IFNLR1: variants seen among roughly 807,000 people sequenced by gnomAD.
The protein encoded by IFNLR1 is CRF2-12.
In IFNLR1, 28 loss-of-function variants were observed where a neutral mutation model predicts 52.5. The observed-to-expected ratio is 0.53, with a 90% CI of 0.40 to 0.73. IFNLR1 has a LOEUF of 0.73. Ranked by LOEUF, IFNLR1 falls within the 30% of genes least tolerant of loss-of-function variation. The pLI, the probability that IFNLR1 is intolerant of heterozygous loss-of-function variation, is 0.00. For missense variants in IFNLR1, 623 were observed against 659.1 expected, an observed-to-expected ratio of 0.95 and a Z score of 0.60; for synonymous variants, 276 against 274.9, an observed-to-expected ratio of 1.00 and a Z score of -0.04.
At chr1:24,182,450 A>G (rs1292060835) in intron 1 of IFNLR1, among the ~76,000 whole-genome samples, 4 of 152,170 alleles carry the variant, frequency 2.6e-5, no homozygotes, top group Non-Finnish European at 5.9e-5. Flanking sequence ...TTGTATTCAC[A>G]TTTCAGATTT....
At chr1:24,167,717 C>A (rs1023483808) in intron 3 of IFNLR1, among the ~76,000 whole-genome samples, 1 of 150,156 alleles carries the variant, frequency 6.7e-6, no homozygotes, top group Non-Finnish European at 1.5e-5. Context: ...TATTTTGAGA[C>A]GGAGTCTTGC....
At chr1:24,175,297 C>T (rs1479089083) in intron 2 of IFNLR1, among the ~76,000 whole-genome samples, 1 of 152,192 alleles carries the variant, frequency 6.6e-6, no homozygotes, top group African/African-American at 2.4e-5. Flanking sequence ...CCACCCAGGG[C>T]AAAGGGGATA....
intron 1 of IFNLR1, 138 bp from the exon 2 acceptor site, chr1:24,180,992 C>G: frequency 1.2e-6 from 1 of 850,518 alleles, no homozygotes; most frequent in Non-Finnish European, 1.8e-6. Context: ...ACTGGCTGTA[C>G]TGCAGCCCTT....
chr1:24,157,205 C>A lies in IFNLR1; in HGVS notation c.1488G>T (p.Ala496=), dbSNP rs374980858. 2 of 1,614,164 alleles carry A rather than the reference C, an allele frequency of 1.2e-6. No individual in the cohort carries two copies. Among genetic ancestry groups the A allele is most frequent in the Admixed American group, 3.3e-5 (2 of 60,022 alleles). Residue 496 remains alanine (A), a synonymous_variant, in exon 7 of 7, where the codon GCG becomes GCT. Coordinates refer to ENST00000327535, the MANE Select transcript of IFNLR1 (RefSeq NM_170743.4). This position sits in a 1 kb window ranked among gnomAD's most constrained non-coding sequence, Gnocchi z 5.1. ...GGGTGCTCTCAGCCCCCCAGCTGCC[C>A]GCATCGCTGTCCTCAATTTCTGATT... ...ARESEIEDSD[A]GSWGAESTQR...
intron 1 of IFNLR1, among the ~76,000 whole-genome samples, chr1:24,182,905 T>C (rs1223483544): frequency 6.6e-6 from 1 of 151,218 alleles, no homozygotes; most frequent in African/African-American, 2.4e-5. Flanking sequence ...GGTGACACAG[T>C]GAGACTCCAT....
chr1:24,166,835 C>G (rs986672198), intron 3 of IFNLR1, among the ~76,000 whole-genome samples: 1 of 152,102 alleles, frequency 6.6e-6, no homozygotes, highest in Non-Finnish European at 1.5e-5. Context: ...CCTTGGCCTC[C>G]CAAAGTGATG....
At chr1:24,178,400 T>C (rs76594730) in intron 2 of IFNLR1, among the ~76,000 whole-genome samples, 14,805 of 152,246 alleles carry the variant, frequency 0.097, 1,997 homozygotes, top group African/African-American at 0.3. Flanking sequence ...ATGCAGATTA[T>C]AGTCTTTATA....
intron 3 of IFNLR1, among the ~76,000 whole-genome samples, chr1:24,162,864 TTTCTTTCTTTCTTTCCTTCC>T (rs1644472794): frequency 1.3e-5 from 1 of 74,790 alleles, no homozygotes; most frequent in African/African-American, 6.2e-5. Flanking sequence ...TCTTTCTTTC[TTTCTTTCTTTCTTTCCTTCC>T]TTCCTTCCTT....
chr1:24,165,388 A>C (rs1644508155), intron 3 of IFNLR1, among the ~76,000 whole-genome samples: 1 of 152,116 alleles, frequency 6.6e-6, no homozygotes, highest in African/African-American at 2.4e-5. Flanking sequence ...CAGTGCCTTG[A>C]GTGTTAGTGC....
intron 4 of IFNLR1, among the ~76,000 whole-genome samples, chr1:24,160,910 GATA>G (rs1343745981): frequency 2.6e-5 from 4 of 151,072 alleles, no homozygotes; most frequent in Non-Finnish European, 4.4e-5. Context: ...TTTTTGTAGG[GATA>G]ATGTTTCACC....
chr1:24,161,721 G>A (rs773914088), intron 3 of IFNLR1, 37 bp from the exon 4 acceptor site: 2 of 1,451,532 alleles, frequency 1.4e-6, no homozygotes, highest in African/African-American at 1.4e-5. Flanking sequence ...GTAATCCCGA[G>A]GGGCCGCACT....
intron 2 of IFNLR1, among the ~76,000 whole-genome samples, chr1:24,180,372 G>A (rs927954522): frequency 5.3e-5 from 8 of 151,590 alleles, no homozygotes; most frequent in African/African-American, 7.3e-5. Flanking sequence ...CTCCTCTGCT[G>A]TGTACCTAGT....
intron 2 of IFNLR1, 138 bp downstream of exon 2, chr1:24,180,593 G>A: frequency 2.5e-6 from 2 of 792,486 alleles, no homozygotes; most frequent in Admixed American, 2.8e-5. Flanking sequence ...CCAAATGCCG[G>A]CCACATGCCA....
Position 24,157,645 on chromosome 1 carries a change from G to A in IFNLR1, c.1048C>T (p.Leu350=), listed in dbSNP as rs766304881. The A allele has an allele frequency of 1.2e-6, 2 of 1,608,220 alleles. No individual in the cohort carries two copies. Among genetic ancestry groups the A allele is most frequent in the Non-Finnish European group, 8.5e-7 (1 of 1,177,110 alleles). The part of the protein sequence containing the change: ...FQPYIEPPSF[L]GQEHQAPGHS... ...CCTGGAGCCTGGTGCTCTTGCCCCA[G>A]GAAAGAAGGTGGTTCAATGTAGGGC... The change falls in exon 7 of 7, where the codon CTG becomes TTG. Residue 350 remains leucine (L), a synonymous_variant. Coordinates refer to ENST00000327535, the MANE Select transcript of IFNLR1 (RefSeq NM_170743.4). This position sits in a 1 kb window ranked among gnomAD's most constrained non-coding sequence, Gnocchi z 5.1.
intron 3 of IFNLR1, among the ~76,000 whole-genome samples, chr1:24,162,876 T>TCTCCTTCC (rs1644474541): frequency 4.4e-5 from 1 of 22,582 alleles, no homozygotes; most frequent in Non-Finnish European, 8.0e-5. Flanking sequence ...TCTTTCTTTC[T>TCTCCTTCC]TTCCTTCCTT....
chr1:24,160,974 A>G (rs1288925864), intron 4 of IFNLR1, among the ~76,000 whole-genome samples: 1 of 150,180 alleles, frequency 6.7e-6, no homozygotes. Context: ...TCCTCCCACC[A>G]CCTCGGCCTC....
chr1:24,165,274 G>A (rs1644506933), intron 3 of IFNLR1, among the ~76,000 whole-genome samples: 2 of 152,146 alleles, frequency 1.3e-5, no homozygotes, highest in Non-Finnish European at 2.9e-5. Flanking sequence ...CAAGCTCTGT[G>A]TCCCATATGA....
At chr1:24,166,611 A>G (rs1644522400) in intron 3 of IFNLR1, among the ~76,000 whole-genome samples, 2 of 152,128 alleles carry the variant, frequency 1.3e-5, no homozygotes, top group African/African-American at 2.4e-5. Context: ...CAATGGAACA[A>G]TCATGGCTCA....
At position 24,156,812 on chromosome 1, in the gene IFNLR1, T is replaced by G; in HGVS notation, c.*318A>C. 1 of 364,314 alleles carries G rather than the reference T, an allele frequency of 2.7e-6. No individual in the cohort carries two copies. Among genetic ancestry groups the G allele is most frequent in the East Asian group, 5.5e-5 (1 of 18,292 alleles). 22.6% of individuals were successfully genotyped at this position (364,314 alleles called of 1,614,324 possible). A position where few individuals can be genotyped will look rare whatever the true frequency, so the allele number is the denominator to read the frequency against. On this transcript the variant is annotated 3_prime_UTR_variant, in exon 7 of 7. Transcript: ENST00000327535. ...CAGTGACCTGACCTCACCTGTTTCA[T>G]GTTGTCCGGGGATAATTTTTCCCCC...
Sources: allele counts gnomAD v4.1 joint callset (sites outside exome capture counted in the v4.1 genomes callset), GRCh38; gene constraint gnomAD v4.1.1; non-coding constraint Gnocchi (gnomAD v3.1); transcripts MANE v1.5; gene names NCBI Gene and HGNC (gene_info 2026-07-23, HGNC 2026-07-21).